The following TRPM3 variants were observed in gnomAD, a reference collection of about 807,000 sequenced individuals.
TRPM3 encodes transient receptor potential cation channel subfamily M member 3.
A neutral mutation model predicts 181.2 loss-of-function variants in TRPM3; 77 were observed. That is an observed-to-expected ratio of 0.42 (90% confidence interval 0.35 to 0.51). The LOEUF (loss-of-function observed/expected upper bound fraction) is 0.51. Ranked by LOEUF, TRPM3 falls within the 20% of genes least tolerant of loss-of-function variation. The pLI is 0.01. For synonymous variants in TRPM3, 745 were observed against 796.4 expected, an observed-to-expected ratio of 0.94 and a Z score of 1.09; for missense variants, 1,759 against 2,196.7, an observed-to-expected ratio of 0.80 and a Z score of 3.98.
intron 1 of TRPM3, among the ~76,000 whole-genome samples, chr9:71,348,422 G>A (rs2091414158): frequency 6.8e-6 from 1 of 147,008 alleles, no homozygotes; most frequent in African/African-American, 2.5e-5. Flanking sequence ...CATTTAATCT[G>A]CAAACTAACC....
At chr9:71,058,247 A>G (rs2060894459) in intron 1 of TRPM3, among the ~76,000 whole-genome samples, 1 of 152,094 alleles carries the variant, frequency 6.6e-6, no homozygotes, top group South Asian at 2.1e-4. Context: ...ATAAGGTTGC[A>G]TACTATAAGC....
chr9:70,764,645 A>G (rs2078756313), intron 7 of TRPM3, among the ~76,000 whole-genome samples: 1 of 152,200 alleles, frequency 6.6e-6, no homozygotes, highest in Non-Finnish European at 1.5e-5. Context: ...TCATTTAGTG[A>G]CAAGAACCAT....
intron 7 of TRPM3, among the ~76,000 whole-genome samples, chr9:70,762,988 C>A (rs985307747): frequency 6.6e-6 from 1 of 152,104 alleles, no homozygotes; most frequent in African/African-American, 2.4e-5. Flanking sequence ...TAAAAGAAGG[C>A]AAGATGGGGA....
intron 1 of TRPM3, among the ~76,000 whole-genome samples, chr9:70,962,145 T>A (rs2097142281): frequency 6.6e-6 from 1 of 152,148 alleles, no homozygotes; most frequent in Admixed American, 6.6e-5. Flanking sequence ...ATTTAGCCTT[T>A]AAACTTTAGA....
At chr9:71,243,430 C>T (rs980990204) in intron 1 of TRPM3, among the ~76,000 whole-genome samples, 3 of 152,196 alleles carry the variant, frequency 2.0e-5, no homozygotes, top group Non-Finnish European at 4.4e-5. Flanking sequence ...TTCCTGACTG[C>T]ATGGTGCTGC....
chr9:71,183,481 G>T (rs962036176), intron 1 of TRPM3, among the ~76,000 whole-genome samples: 5 of 151,902 alleles, frequency 3.3e-5, no homozygotes, highest in Non-Finnish European at 7.4e-5. Flanking sequence ...ACAATTATTG[G>T]CTGCTTCTCC....
In TRPM3 at chr9:71,226,608, G is replaced by A. The variant is rs2080674974; in HGVS notation, c.183+220045C>T. Among the ~76,000 whole-genome samples, 4 of 151,974 alleles carry A rather than the reference G, an allele frequency of 2.6e-5. No homozygotes were observed. In the South Asian group the frequency reaches 8.3e-4, roughly 32 times the overall value. Reference sequence around the variant, plus strand: ...AAGGTTATTATATAATAATAAAGGAGTCAGTTCAGCAGAGGATATGATTGT... The same window carrying A: ...AAGGTTATTATATAATAATAAAGGAATCAGTTCAGCAGAGGATATGATTGT... On this transcript the variant is annotated intron_variant, in intron 1 of 24. Transcript: ENST00000357533.
At chr9:70,887,333 A>G (rs767889250) in intron 1 of TRPM3, among the ~76,000 whole-genome samples, 5 of 152,318 alleles carry the variant, frequency 3.3e-5, no homozygotes, top group South Asian at 2.1e-4. Context: ...AGTTCTGGAT[A>G]TATCTTCAGT....
chr9:71,162,547 AAAC>A (rs2076333318), intron 1 of TRPM3, among the ~76,000 whole-genome samples: 3 of 152,186 alleles, frequency 2.0e-5, no homozygotes, highest in Admixed American at 6.5e-5. Context: ...GTTAGCAAGA[AAAC>A]AACGGTCCTC....
At chr9:71,093,529 G>A (rs568553862) in intron 1 of TRPM3, among the ~76,000 whole-genome samples, 54 of 152,064 alleles carry the variant, frequency 3.6e-4, no homozygotes, top group Admixed American at 3.1e-3. Flanking sequence ...AATCAAAACC[G>A]CAATGACATA....
intron 21 of TRPM3, among the ~76,000 whole-genome samples, chr9:70,592,005 C>G (rs2058196086): frequency 6.6e-6 from 1 of 152,222 alleles, no homozygotes; most frequent in Admixed American, 6.5e-5. Context: ...AGGCTGCTCT[C>G]TAATATAATG....
At chr9:71,055,563 A>T (rs1456368440) in intron 1 of TRPM3, among the ~76,000 whole-genome samples, 1 of 152,010 alleles carries the variant, frequency 6.6e-6, no homozygotes, top group Non-Finnish European at 1.5e-5. Context: ...ATTCAATTGG[A>T]ACATTTTTTA....
At chr9:71,006,836 A>G (rs2097680090) in intron 1 of TRPM3, among the ~76,000 whole-genome samples, 1 of 142,146 alleles carries the variant, frequency 7.0e-6, no homozygotes. Flanking sequence ...GCGCCACTGC[A>G]CTCCAGCCTG....
intron 1 of TRPM3, among the ~76,000 whole-genome samples, chr9:71,198,421 A>G (rs1228421746): frequency 2.0e-5 from 3 of 152,190 alleles, no homozygotes; most frequent in Non-Finnish European, 2.9e-5. Context: ...AGTCATTGGT[A>G]GCTTCATGGG....
At chr9:70,923,218 T>C (rs1416484566) in intron 1 of TRPM3, among the ~76,000 whole-genome samples, 1 of 152,204 alleles carries the variant, frequency 6.6e-6, no homozygotes, top group East Asian at 1.9e-4. Context: ...TTAAAATAAC[T>C]GTGTGTTCAT....
chr9:71,127,878 A>C (rs2074141344), intron 1 of TRPM3, among the ~76,000 whole-genome samples: 1 of 152,196 alleles, frequency 6.6e-6, no homozygotes, highest in African/African-American at 2.4e-5. Context: ...GGGGATAATA[A>C]TATTACCTTT....
intron 9 of TRPM3, among the ~76,000 whole-genome samples, chr9:70,673,842 G>T (rs1379110250): frequency 6.6e-6 from 1 of 151,674 alleles, no homozygotes; most frequent in South Asian, 2.1e-4. Context: ...CCAGCTACTC[G>T]GGAGGCTGAG....
intron 6 of TRPM3, chr9:70,827,393 T>C (rs913532619): frequency 3.9e-5 from 6 of 152,384 alleles, no homozygotes; most frequent in Non-Finnish European, 7.3e-5. Context: ...CATTTTCACA[T>C]GATGCTTTAG....
Position 71,263,052 on chromosome 9 carries a change from G to A in TRPM3, c.183+183601C>T, listed in dbSNP as rs117924605. ...GTTTTAAAGCATTCACAAACATGAC[G>A]ATGGCTTTAAGGCAAATTGGAAAAA... On this transcript the variant is annotated intron_variant, in intron 1 of 24. Coordinates refer to the TRPM3 transcript ENST00000357533. 4.3e-3 allele frequency among the ~76,000 whole-genome samples: 655 copies of A among 152,214 alleles called. 2 individuals carry two copies. Among genetic ancestry groups the A allele is most frequent in the Middle Eastern group, 0.017 (5 of 294 alleles).
Sources: allele counts gnomAD v4.1 joint callset (sites outside exome capture counted in the v4.1 genomes callset), GRCh38; gene constraint gnomAD v4.1.1; transcripts MANE v1.5; gene names NCBI Gene and HGNC (gene_info 2026-07-23, HGNC 2026-07-21).